AK5: variants seen among roughly 807,000 people sequenced by gnomAD.
AK5 encodes the protein adenylate kinase 5.
A neutral mutation model predicts 69.5 loss-of-function variants in AK5; 27 were observed. The observed-to-expected ratio is 0.39, with a 90% CI of 0.29 to 0.54. The LOEUF (loss-of-function observed/expected upper bound fraction) is 0.54. Among genes scored for constraint, AK5 ranks in the 20% least tolerant of loss-of-function variants. The pLI, the probability that AK5 is intolerant of heterozygous loss-of-function variation, is 0.71. For synonymous variants in AK5, 260 were observed against 244.4 expected (o/e 1.06, Z -0.60); for missense variants, 531 against 700.4 (o/e 0.76, Z 2.73).
chr1:77,289,913 G>C, intron 2 of AK5, among the ~76,000 whole-genome samples: 1 of 140,420 alleles, frequency 7.1e-6, no homozygotes, highest in South Asian at 2.3e-4. Context: ...TTGTAAAAAT[G>C]TCCAGCTGAA....
At chr1:77,516,899 G>C (rs1171350712) in intron 10 of AK5, among the ~76,000 whole-genome samples, 1 of 151,868 alleles carries the variant, frequency 6.6e-6, no homozygotes, top group African/African-American at 2.4e-5. Context: ...GTGAAACCCT[G>C]TCTGTATCAA....
chr1:77,423,722 C>T (rs1191044759), intron 8 of AK5, among the ~76,000 whole-genome samples: 1 of 152,014 alleles, frequency 6.6e-6, no homozygotes, highest in Non-Finnish European at 1.5e-5. Flanking sequence ...CAGAGAGATC[C>T]AGTCATGGGA....
intron 6 of AK5, among the ~76,000 whole-genome samples, chr1:77,349,098 C>G (rs1340307813): frequency 6.6e-6 from 1 of 152,044 alleles, no homozygotes; most frequent in Non-Finnish European, 1.5e-5. Context: ...GCTTGCCCGT[C>G]AGGAAAATAC....
chr1:77,306,780 T>C (rs1015512610), intron 5 of AK5, among the ~76,000 whole-genome samples: 10 of 152,076 alleles, frequency 6.6e-5, no homozygotes, highest in Admixed American at 5.9e-4. Context: ...ATCTTGTTAC[T>C]TGTTACTGGT....
At chr1:77,502,704 G>T (rs1262374817) in intron 10 of AK5, among the ~76,000 whole-genome samples, 1 of 152,140 alleles carries the variant, frequency 6.6e-6, no homozygotes, top group Non-Finnish European at 1.5e-5. Context: ...CTGTGGAGTG[G>T]CTGTTACCAA....
chr1:77,346,747 C>T (rs1263222207), intron 6 of AK5, among the ~76,000 whole-genome samples: 1 of 152,290 alleles, frequency 6.6e-6, no homozygotes, highest in South Asian at 2.1e-4. Context: ...ATCCACCCAC[C>T]TCAGCCTCCC....
intron 10 of AK5, among the ~76,000 whole-genome samples, chr1:77,510,619 G>A (rs1238790683): frequency 6.6e-6 from 1 of 152,130 alleles, no homozygotes; most frequent in African/African-American, 2.4e-5. Flanking sequence ...CCGAGCTGAT[G>A]TTATACAGAA....
intron 5 of AK5, among the ~76,000 whole-genome samples, chr1:77,312,984 C>G (rs938141020): frequency 6.6e-6 from 1 of 151,876 alleles, no homozygotes; most frequent in Non-Finnish European, 1.5e-5. Flanking sequence ...AAATGTGTAC[C>G]AAAAAAATTA....
At chr1:77,363,171 A>G (rs1459911750) in intron 6 of AK5, among the ~76,000 whole-genome samples, 2 of 152,092 alleles carry the variant, frequency 1.3e-5, no homozygotes, top group African/African-American at 4.8e-5. Flanking sequence ...TCAGCCCCCA[A>G]CACATACAAC....
chr1:77,346,818 G>C (rs1276931812), intron 6 of AK5, among the ~76,000 whole-genome samples: 1 of 152,100 alleles, frequency 6.6e-6, no homozygotes, highest in Non-Finnish European at 1.5e-5. Context: ...AAACTAAACA[G>C]CATGAACACT....
At chr1:77,368,202 A>T (rs1647034882) in intron 6 of AK5, among the ~76,000 whole-genome samples, 1 of 74,732 alleles carries the variant, frequency 1.3e-5, no homozygotes, top group Non-Finnish European at 2.8e-5. Flanking sequence ...GACCTTACTG[A>T]AGAGTAGAGA....
intron 10 of AK5, among the ~76,000 whole-genome samples, chr1:77,498,133 T>C (rs1038377065): frequency 9.9e-5 from 15 of 152,086 alleles, no homozygotes; most frequent in Non-Finnish European, 1.5e-5. Context: ...AAGGGGGATA[T>C]CTAGAGCAAA....
chr1:77,304,341 A>G (rs771676451), intron 5 of AK5, among the ~76,000 whole-genome samples: 1 of 151,830 alleles, frequency 6.6e-6, no homozygotes, highest in Non-Finnish European at 1.5e-5. Context: ...TGCGTATGAC[A>G]GGATCTCATT....
At chr1:77,385,531 A>C (rs1387877144) in intron 6 of AK5, among the ~76,000 whole-genome samples, 3 of 152,218 alleles carry the variant, frequency 2.0e-5, no homozygotes, top group Non-Finnish European at 2.9e-5. Context: ...CTCTCAAAAT[A>C]ATAAATATTT....
intron 2 of AK5, among the ~76,000 whole-genome samples, chr1:77,292,677 CT>C (rs1658758940): frequency 1.3e-5 from 2 of 152,288 alleles, no homozygotes; most frequent in African/African-American, 4.8e-5. Flanking sequence ...TCTTCCGGTC[CT>C]TTTGAGTATG....
intron 13 of AK5, among the ~76,000 whole-genome samples, chr1:77,539,135 G>A (rs1328598121): frequency 6.6e-6 from 1 of 152,220 alleles, no homozygotes; most frequent in African/African-American, 2.4e-5. Flanking sequence ...CCAAAACTCA[G>A]CCATCTGTTA....
intron 5 of AK5, among the ~76,000 whole-genome samples, chr1:77,303,678 A>T (rs1348772653): frequency 2.0e-5 from 3 of 152,128 alleles, no homozygotes; most frequent in Non-Finnish European, 4.4e-5. Context: ...TTGACCTATG[A>T]CCTTCTGGAA....
intron 8 of AK5, among the ~76,000 whole-genome samples, chr1:77,462,456 A>G (rs201950432): frequency 1.3e-5 from 2 of 152,060 alleles, no homozygotes; most frequent in Non-Finnish European, 2.9e-5. Flanking sequence ...TAAAATATAG[A>G]TACTTAAAAG....
chr1:77,367,579 A>ATATGTATAT, intron 6 of AK5, among the ~76,000 whole-genome samples: 2 of 53,396 alleles, frequency 3.7e-5, no homozygotes, highest in African/African-American at 2.1e-4. Context: ...ATATATATAT[A>ATATGTATAT]ATATATATGT....
Sources: gnomAD v4.1 joint callset for allele counts (sites outside exome capture counted in the v4.1 genomes callset) on GRCh38, gnomAD v4.1.1 for gene constraint, MANE v1.5 for transcripts, NCBI Gene and HGNC (gene_info 2026-07-23, HGNC 2026-07-21) for gene names.